Variants in SMYD2 observed in about 807,000 individuals in gnomAD.
The protein encoded by SMYD2 is N-lysine methyltransferase SMYD2.
In SMYD2, 53 loss-of-function variants were observed where a neutral mutation model predicts 59.1. The ratio of observed to expected loss-of-function variants is 0.90; its 90% CI spans 0.72 to 1.13. SMYD2 has a LOEUF of 1.13. Among genes scored for constraint, SMYD2 ranks in the 50% most tolerant of loss-of-function variants. SMYD2 has a pLI of 0.00. For synonymous variants in SMYD2, 208 were observed against 198.8 expected, an observed-to-expected ratio of 1.05 and a Z score of -0.39; for missense variants, 494 against 544.7, an observed-to-expected ratio of 0.91 and a Z score of 0.93.
chr1:214,289,898 C>T (rs940679154), intron 1 of SMYD2, among the ~76,000 whole-genome samples: 1 of 152,248 alleles, frequency 6.6e-6, no homozygotes, highest in African/African-American at 2.4e-5. Context: ...AGCCCACCCA[C>T]ATCCCCAACC....
At chr1:214,297,398 A>G (rs1656749686) in intron 1 of SMYD2, among the ~76,000 whole-genome samples, 1 of 151,908 alleles carries the variant, frequency 6.6e-6, no homozygotes, top group African/African-American at 2.4e-5. Flanking sequence ...ATCAGATTAC[A>G]TTGCAAATGA....
At position 214,281,189 on chromosome 1, in the gene SMYD2, T is replaced by G; in HGVS notation, c.-66T>G. 2.7e-6 allele frequency: 3 copies of G among 1,131,972 alleles called. No homozygotes were observed. The highest frequency in any genetic ancestry group is 3.3e-6 in the Non-Finnish European group (3 of 905,398). 70.1% of individuals were successfully genotyped at this position (1,131,972 alleles called of 1,614,324 possible). On this transcript the variant is annotated 5_prime_UTR_variant, in exon 1 of 12. Coordinates refer to ENST00000366957, the MANE Select transcript of SMYD2 (RefSeq NM_020197.3). ...GCCCCCCGCAGCTCTAGGTGACGCG[T>G]CTCCAATAACAGCTCGCCGGGAGCC... is the stretch of plus-strand genomic sequence containing the variant.
intron 1 of SMYD2, among the ~76,000 whole-genome samples, chr1:214,296,779 A>G (rs1656736725): frequency 6.6e-6 from 1 of 150,984 alleles, no homozygotes; most frequent in African/African-American, 2.4e-5. Context: ...AGAAAAAAGG[A>G]TTTGAGAGAG....
chr1:214,287,676 G>A (rs967561485), intron 1 of SMYD2, among the ~76,000 whole-genome samples: 1 of 151,472 alleles, frequency 6.6e-6, no homozygotes, highest in Non-Finnish European at 1.5e-5. Flanking sequence ...TTAATGATGG[G>A]GTCTGGGATT....
intron 5 of SMYD2, among the ~76,000 whole-genome samples, chr1:214,320,611 G>C (rs1657157937): frequency 6.6e-6 from 1 of 152,174 alleles, no homozygotes; most frequent in Non-Finnish European, 1.5e-5. Flanking sequence ...AGGCAACAGA[G>C]AGAGACCCTG....
intron 1 of SMYD2, among the ~76,000 whole-genome samples, chr1:214,302,081 T>A (rs1330266985): frequency 1.3e-5 from 2 of 152,070 alleles, no homozygotes; most frequent in African/African-American, 4.8e-5. Context: ...GTATCTCACG[T>A]CTGTAATCCC....
chr1:214,284,078 T>C (rs754832284), intron 1 of SMYD2, among the ~76,000 whole-genome samples: 7 of 152,116 alleles, frequency 4.6e-5, no homozygotes, highest in East Asian at 1.9e-4. Context: ...GTGGGTGCCA[T>C]TGGAGAACAT....
intron 1 of SMYD2, among the ~76,000 whole-genome samples, chr1:214,295,366 T>C (rs549859608): frequency 6.6e-6 from 1 of 151,852 alleles, no homozygotes; most frequent in African/African-American, 2.4e-5. Flanking sequence ...ACAGGCTAAA[T>C]ATTTCTCTCC....
chr1:214,310,205 C>T (rs745718456), intron 2 of SMYD2, among the ~76,000 whole-genome samples: 3 of 152,214 alleles, frequency 2.0e-5, no homozygotes, highest in Admixed American at 1.3e-4. Context: ...GAGACAATTT[C>T]GCAACTCTTT....
Position 214,334,635 on chromosome 1 carries a change from T to TGTG in SMYD2, c.1221+328_1221+330dup, listed in dbSNP as rs112867613. On this transcript the variant is annotated intron_variant, in intron 11 of 11. Coordinates refer to ENST00000366957, the MANE Select transcript of SMYD2 (RefSeq NM_020197.3). ...GATTTTCAGAATGATGATCCCCAGT[T>TGTG]GTGAAATCAAGGAGGTAGGATATGG... is the stretch of plus-strand genomic sequence containing the variant. Among the ~76,000 whole-genome samples the TGTG allele has an allele frequency of 1.7e-3, 254 of 152,320 alleles. 14 individuals carry two copies. The South Asian group carries it at 0.048, about 29-fold the overall frequency.
intron 2 of SMYD2, 90 bp from the exon 3 acceptor site, chr1:214,314,672 T>C: frequency 1.1e-6 from 1 of 909,762 alleles, no homozygotes; most frequent in South Asian, 1.5e-5. Flanking sequence ...TACTTGACCT[T>C]AACTAGGGGG....
chr1:214,325,305 T>C (rs1389786786), intron 6 of SMYD2, among the ~76,000 whole-genome samples: 2 of 152,264 alleles, frequency 1.3e-5, no homozygotes, highest in African/African-American at 4.8e-5. Flanking sequence ...CTGACTTTAA[T>C]GGATTGCCAA....
rs146020436 is a variant in SMYD2 at position 214,310,189 on chromosome 1, C to T, written c.238-4573C>T. ...TCTTCCAGTGCTGGAAATGCTGGTG[C>T]ACCATGAGACAATTTCGCAACTCTT... On this transcript the variant is annotated intron_variant, in intron 2 of 11. Coordinates refer to ENST00000366957, the MANE Select transcript of SMYD2 (RefSeq NM_020197.3). Among the ~76,000 whole-genome samples the T allele has an allele frequency of 2.6e-5, 4 of 152,320 alleles. 1 individual carries two copies. The East Asian group carries it at 5.8e-4, about 22-fold the overall frequency.
rs375287708 is a variant in SMYD2, at chr1:214,313,261, C to T, written c.238-1501C>T. On this transcript the variant is annotated intron_variant, in intron 2 of 11. Transcript: ENST00000366957. ...CCTCCTGAGTAGCTGGGACTGCAGG[C>T]ACATGCCACCACACTTGGCTAATTT... is the stretch of plus-strand genomic sequence containing the variant. 1.6e-4 allele frequency among the ~76,000 whole-genome samples: 25 copies of T among 152,196 alleles called. No individual in the cohort carries two copies. In the South Asian group the frequency reaches 5.0e-3, roughly 30 times the overall value.
chr1:214,281,490 G>T (rs527683092), intron 1 of SMYD2, 63 bp downstream of exon 1: 5 of 1,248,430 alleles, frequency 4.0e-6, no homozygotes, highest in Admixed American at 4.4e-5. Flanking sequence ...AGGCTTGGAC[G>T]GCGGCGCCAG....
In SMYD2 at chr1:214,300,619, C is replaced by G. The variant is rs191016963; in HGVS notation, c.174-4568C>G. Among the ~76,000 whole-genome samples, 189 of 152,294 alleles carry G rather than the reference C, an allele frequency of 1.2e-3. 1 individual carries two copies. Among genetic ancestry groups the G allele is most frequent in the African/African-American group, 4.2e-3 (173 of 41,560 alleles). ...TGCTTTGTTGTTACTATTAGCTTAT[C>G]CACTCACGTAGAGAGACTATTTTTG... On this transcript the variant is annotated intron_variant, in intron 1 of 11. Coordinates refer to ENST00000366957, the MANE Select transcript of SMYD2 (RefSeq NM_020197.3).
At chr1:214,281,540 G>A (rs1656446872) in intron 1 of SMYD2, 113 bp downstream of exon 1, 12 of 968,956 alleles carry the variant, frequency 1.2e-5, no homozygotes, top group Non-Finnish European at 1.5e-5. Flanking sequence ...GCCGGCCCTT[G>A]GGGCGGGGTG....
At chr1:214,290,022 A>G (rs1023787891) in intron 1 of SMYD2, among the ~76,000 whole-genome samples, 8 of 152,224 alleles carry the variant, frequency 5.3e-5, no homozygotes, top group African/African-American at 1.9e-4. Context: ...CCTTGGCCTC[A>G]TTAGAGCTCT....
Position 214,304,005 on chromosome 1 carries a change from A to G in SMYD2, c.174-1182A>G, listed in dbSNP as rs372699852. Among the ~76,000 whole-genome samples, 10 of 152,366 alleles carry G rather than the reference A, an allele frequency of 6.6e-5. No homozygotes were observed. The East Asian group carries it at 7.7e-4, about 12-fold the overall frequency. Reference sequence around the variant, plus strand: ...ATTGTTCCCCACTTGGGAAAAAAGTAAAGAGTTTTGTAGTATGTGGCTTAA... The same window carrying G: ...ATTGTTCCCCACTTGGGAAAAAAGTGAAGAGTTTTGTAGTATGTGGCTTAA... On this transcript the variant is annotated intron_variant, in intron 1 of 11. Coordinates refer to ENST00000366957, the MANE Select transcript of SMYD2 (RefSeq NM_020197.3).
Sources: gnomAD v4.1 joint callset for allele counts (sites outside exome capture counted in the v4.1 genomes callset) on GRCh38, gnomAD v4.1.1 for gene constraint, MANE v1.5 for transcripts, NCBI Gene and HGNC (gene_info 2026-07-23, HGNC 2026-07-21) for gene names.